FHIT: variants seen among roughly 807,000 people sequenced by gnomAD.
FHIT encodes bis(5'-adenosyl)-triphosphatase.
FHIT carries 19 observed loss-of-function variants against 17.9 expected under a neutral mutation model. The ratio of observed to expected loss-of-function variants is 1.06; its 90% CI spans 0.74 to 1.56. The LOEUF is 1.56. Ranked by LOEUF, FHIT falls within the 40% of genes most tolerant of loss-of-function variation. The probability of loss-of-function intolerance (pLI) is 0.00; values close to 1 mark genes in which losing one functional copy is unlikely to be tolerated. For synonymous variants in FHIT, 81 were observed against 69.7 expected (o/e 1.16, Z -0.81); for missense variants, 248 against 189.2 (o/e 1.31, Z -1.82).
At chr3:60,014,543 A>G (rs1190462352) in intron 5 of FHIT, among the ~76,000 whole-genome samples, 1 of 152,236 alleles carries the variant, frequency 6.6e-6, no homozygotes, top group African/African-American at 2.4e-5. Context: ...AGCAACTGGA[A>G]TATCTACTTG....
At chr3:60,776,124 A>C (rs1453410192) in intron 4 of FHIT, among the ~76,000 whole-genome samples, 7 of 152,182 alleles carry the variant, frequency 4.6e-5, no homozygotes, top group Non-Finnish European at 1.5e-5. Context: ...TTGTGAAATC[A>C]AGCCTCCATC....
chr3:61,216,179 A>C (rs892027159), intron 1 of FHIT, among the ~76,000 whole-genome samples: 6 of 152,194 alleles, frequency 3.9e-5, no homozygotes, highest in African/African-American at 9.7e-5. Context: ...TGCACAGCAA[A>C]AGAAACTACC....
chr3:59,922,455 C>A, intron 7 of FHIT, 41 bp from the exon 8 acceptor site: 1 of 1,541,012 alleles, frequency 6.5e-7, no homozygotes, highest in South Asian at 1.1e-5. Flanking sequence ...GATTATCTCC[C>A]CATGTATTTT....
intron 4 of FHIT, among the ~76,000 whole-genome samples, chr3:60,568,976 T>G (rs2107657651): frequency 2.0e-5 from 1 of 51,242 alleles, no homozygotes; most frequent in East Asian, 7.4e-4. Flanking sequence ...ATGCTAGAGA[T>G]TCTTTTTTTT....
intron 8 of FHIT, among the ~76,000 whole-genome samples, chr3:59,828,085 GAAT>G (rs1413136931): frequency 6.6e-6 from 1 of 152,108 alleles, no homozygotes; most frequent in East Asian, 1.9e-4. Flanking sequence ...CAACATTATG[GAAT>G]AATACAAATG....
chr3:60,757,013 C>G (rs551259385), intron 4 of FHIT, among the ~76,000 whole-genome samples: 21 of 151,608 alleles, frequency 1.4e-4, no homozygotes, highest in Non-Finnish European at 2.5e-4. Context: ...AAAAGAAAAA[C>G]AAAAACAAAA....
intron 2 of FHIT, among the ~76,000 whole-genome samples, chr3:61,108,266 T>C (rs1053080377): frequency 1.2e-4 from 18 of 152,186 alleles, no homozygotes; most frequent in African/African-American, 4.3e-4. Context: ...ACAGGAGCTT[T>C]CTGCTTTCAA....
At chr3:60,797,393 G>A (rs987692785) in intron 4 of FHIT, among the ~76,000 whole-genome samples, 2 of 151,908 alleles carry the variant, frequency 1.3e-5, no homozygotes, top group Non-Finnish European at 1.5e-5. Context: ...CAGTGGAAAG[G>A]CATAAATAAG....
chr3:60,551,883 T>C (rs946153832), intron 4 of FHIT, among the ~76,000 whole-genome samples: 1 of 151,960 alleles, frequency 6.6e-6, no homozygotes, highest in Non-Finnish European at 1.5e-5. Context: ...AGTGTACAGT[T>C]TGATGGTTTT....
intron 5 of FHIT, among the ~76,000 whole-genome samples, chr3:60,522,824 G>C (rs1372765705): frequency 6.6e-6 from 1 of 152,108 alleles, no homozygotes; most frequent in Non-Finnish European, 1.5e-5. Flanking sequence ...ATTTAGGTTG[G>C]TGATAGAAAG....
intron 4 of FHIT, among the ~76,000 whole-genome samples, chr3:60,575,231 A>C (rs1270204524): frequency 2.0e-5 from 3 of 152,190 alleles, no homozygotes; most frequent in Non-Finnish European, 2.9e-5. Flanking sequence ...ATGAGTAGGT[A>C]TCAAATAGAC....
chr3:61,014,026 G>A (rs1240858101), intron 3 of FHIT, among the ~76,000 whole-genome samples: 1 of 152,108 alleles, frequency 6.6e-6, no homozygotes, highest in East Asian at 1.9e-4. Flanking sequence ...GGGGCAAGGA[G>A]GGCAGATGAG....
chr3:60,340,064 GGGGT>G lies in FHIT; in HGVS notation c.103+196792_103+196795del, dbSNP rs367660962. On this transcript the variant is annotated intron_variant, in intron 5 of 9. Transcript: ENST00000492590. ...TTCTTCTGCCTCAAAATTTTATGGA[GGGGT>G]GTTTAATTTTTTTTAAGTTTTCTTC... is the stretch of plus-strand genomic sequence containing the variant. 3.1e-3 allele frequency among the ~76,000 whole-genome samples: 469 copies of G among 152,116 alleles called. 1 individual carries two copies. The highest frequency in any genetic ancestry group is 0.011 in the African/African-American group (449 of 41,494).
At chr3:60,779,308 T>TA (rs1169828603) in intron 4 of FHIT, among the ~76,000 whole-genome samples, 1 of 152,182 alleles carries the variant, frequency 6.6e-6, no homozygotes, top group Admixed American at 6.5e-5. Flanking sequence ...ATCTACCTTT[T>TA]AGACCAACCC....
chr3:60,981,538 T>C (rs956456080), intron 3 of FHIT, among the ~76,000 whole-genome samples: 2 of 152,050 alleles, frequency 1.3e-5, no homozygotes, highest in Admixed American at 6.6e-5. Context: ...CTCGAACTCC[T>C]GAGCTCAGGC....
chr3:60,853,253 A>C (rs1319064583), intron 3 of FHIT, among the ~76,000 whole-genome samples: 1 of 152,114 alleles, frequency 6.6e-6, no homozygotes, highest in Non-Finnish European at 1.5e-5. Flanking sequence ...TATTTATATA[A>C]TATTAGCAGC....
At chr3:60,708,824 T>A (rs550320614) in intron 4 of FHIT, among the ~76,000 whole-genome samples, 2 of 151,990 alleles carry the variant, frequency 1.3e-5, no homozygotes, top group East Asian at 3.9e-4. Context: ...GAAAGAGTGA[T>A]ATTGGAATGA....
intron 1 of FHIT, among the ~76,000 whole-genome samples, chr3:61,239,761 C>CTATATATATATATATATATA (rs1491311135): frequency 0.093 from 5,757 of 61,762 alleles, 379 homozygotes; most frequent in East Asian, 0.12. Context: ...AAACAACTGG[C>CTATATATATATATATATATA]CATATATATA....
intron 5 of FHIT, among the ~76,000 whole-genome samples, chr3:60,132,710 G>A (rs1699646203): frequency 6.6e-6 from 1 of 152,078 alleles, no homozygotes; most frequent in African/African-American, 2.4e-5. Flanking sequence ...ATTTTCCCCT[G>A]ATTGTCTCTA....
Sources: gnomAD v4.1 joint callset for allele counts (sites outside exome capture counted in the v4.1 genomes callset) on GRCh38, gnomAD v4.1.1 for gene constraint, MANE v1.5 for transcripts, NCBI Gene and HGNC (gene_info 2026-07-23, HGNC 2026-07-21) for gene names.